Variants in MYRF observed in about 807,000 individuals in gnomAD.
MYRF encodes the protein myelin regulatory factor.
In MYRF, 16 loss-of-function variants were observed where a neutral mutation model predicts 126.3. The ratio of observed to expected loss-of-function variants is 0.13; its 90% CI spans 0.09 to 0.19. The LOEUF is 0.19. Among genes scored for constraint, MYRF ranks in the 10% least tolerant of loss-of-function variants. The probability of loss-of-function intolerance (pLI) is 1.00; values close to 1 mark genes in which losing one functional copy is unlikely to be tolerated. For missense variants in MYRF, 1,104 were observed against 1,547.0 expected, an observed-to-expected ratio of 0.71 and a Z score of 4.80; for synonymous variants, 608 against 635.3, an observed-to-expected ratio of 0.96 and a Z score of 0.65.
chr11:61,776,925 G>A lies in MYRF; in HGVS notation c.1590+48G>A. 1 of 1,459,536 alleles carries A rather than the reference G, an allele frequency of 6.9e-7. No individual in the cohort carries two copies. Among genetic ancestry groups the A allele is most frequent in the Non-Finnish European group, 9.3e-7 (1 of 1,078,192 alleles). 90.4% of individuals were successfully genotyped at this position (1,459,536 alleles called of 1,614,324 possible). A position where few individuals can be genotyped will look rare whatever the true frequency, so the allele number is the denominator to read the frequency against. ...GCGTAGACAGCCCTCCCCAGGACTGGGAGAAACAGCAAGCAGAAGTACCCG... is the reference window on the plus strand; with the variant it reads ...GCGTAGACAGCCCTCCCCAGGACTGAGAGAAACAGCAAGCAGAAGTACCCG... On this transcript the variant is annotated intron_variant, in intron 11 of 26. Transcript: ENST00000278836. The surrounding 1 kb of genome is among the most constrained non-coding windows in gnomAD (Gnocchi z 4.3).
chr11:61,764,217 G>T (rs953791228), intron 1 of MYRF, among the ~76,000 whole-genome samples: 17 of 152,336 alleles, frequency 1.1e-4, no homozygotes, highest in Admixed American at 1.1e-3. Flanking sequence ...CCTAAGCGGG[G>T]CTCAGCATTC....
chr11:61,771,476 CG>C, intron 5 of MYRF, 23 bp from the exon 6 acceptor site: 1 of 1,598,800 alleles, frequency 6.3e-7, no homozygotes, highest in Non-Finnish European at 8.5e-7. Context: ...CCAGCCCCCA[CG>C]GCGCACACTT....
chr11:61,774,766 T>G (rs1368987273), intron 8 of MYRF, among the ~76,000 whole-genome samples: 3 of 150,202 alleles, frequency 2.0e-5, no homozygotes, highest in Admixed American at 6.6e-5. Flanking sequence ...CCTGCTTCCC[T>G]CTCGTTGGGC....
chr11:61,756,397 G>A lies in MYRF; in HGVS notation c.46+3607G>A, dbSNP rs73487406. Among the ~76,000 whole-genome samples the A allele has an allele frequency of 3.3e-3, 496 of 152,206 alleles. 4 individuals are homozygous for A. Among genetic ancestry groups the A allele is most frequent in the African/African-American group, 0.011 (462 of 41,518 alleles). On this transcript the variant is annotated intron_variant, in intron 1 of 26. Transcript: ENST00000278836. ...AGACTACCTGATGATTTGGAAGAGA[G>A]GACTCCCACCTGGACAGGAATCCGG...
Position 61,770,533 on chromosome 11 carries a change from G to C in MYRF, c.740+8G>C. ...GCAGCAGCACGGAGCTGAGTAAGACGTGGGTGGCTGGCTCCATGGGGTGGG... is the reference window on the plus strand; with the variant it reads ...GCAGCAGCACGGAGCTGAGTAAGACCTGGGTGGCTGGCTCCATGGGGTGGG... On this transcript the variant is annotated splice_region_variant and intron_variant, in intron 5 of 26. Transcript: ENST00000278836. 1.3e-6 allele frequency: 2 copies of C among 1,548,528 alleles called. No individual in the cohort carries two copies. Among genetic ancestry groups the C allele is most frequent in the South Asian group, 2.4e-5 (2 of 82,750 alleles).
At position 61,781,664 on chromosome 11, in the gene MYRF, C is replaced by A; in HGVS notation, c.2856C>A (p.His952Gln). The change falls in exon 22 of 27, where the codon CAC becomes CAA. Residue 952 changes from histidine to glutamine, a missense_variant. His to Gln is a conservative substitution (Grantham distance 24, BLOSUM62 0). Coordinates refer to ENST00000278836, the MANE Select transcript of MYRF (RefSeq NM_001127392.3). ...ATGGCATTGGCCACTCCAAGCATCA[C>A]AAGAGTCTGGAGCCTCTGGCCAGCC... Reference protein sequence around the residue: ...SVNGIGHSKHHKSLEPLASPA... With the variant: ...SVNGIGHSKHQKSLEPLASPA... 1 of 1,613,788 alleles carries A rather than the reference C, an allele frequency of 6.2e-7. No individual in the cohort carries two copies. Among genetic ancestry groups the A allele is most frequent in the Admixed American group, 1.7e-5 (1 of 60,030 alleles).
At chr11:61,773,483 G>A (rs557246179) in intron 7 of MYRF, among the ~76,000 whole-genome samples, 9 of 152,334 alleles carry the variant, frequency 5.9e-5, no homozygotes, top group East Asian at 3.9e-4. Flanking sequence ...TGAGCAAGCC[G>A]GTGGGCAGGG....
At position 61,787,843 on chromosome 11, in the gene MYRF, T is replaced by C. The variant is rs577361636; in HGVS notation, c.*1700T>C. 6.5e-6 allele frequency: 1 copy of C among 152,738 alleles called. No individual in the cohort carries two copies. The highest frequency in any genetic ancestry group is 1.5e-5 in the Non-Finnish European group (1 of 68,046). 9.5% of individuals were successfully genotyped at this position (152,738 alleles called of 1,614,324 possible). The stretch of plus-strand genomic sequence containing the variant: ...TAATAGGATTCCTGGGCTTCCTCAA[T>C]GGGGGTTCATGTTCTTGGACTGCGG... On this transcript the variant is annotated 3_prime_UTR_variant, in exon 27 of 27. Coordinates refer to ENST00000278836, the MANE Select transcript of MYRF (RefSeq NM_001127392.3).
rs1226101302 is a variant in MYRF, at chr11:61,766,157, A to G, written c.334A>G (p.Lys112Glu). Residue 112 changes from lysine (K) to glutamate (E), a missense_variant, in exon 3 of 27, where the codon AAG (lysine) becomes GAG (glutamate). By Grantham distance (56) the Lys-to-Glu change is moderately conservative. Around this residue, in one of 10 missense-constraint regions of MYRF, gnomAD observed 368 missense variants for 403.9 expected, o/e 0.91. Coordinates refer to ENST00000278836, the MANE Select transcript of MYRF (RefSeq NM_001127392.3). ...NNNNGMGAAP[K>E]PFPGGTGPPI... ...CAACAACGGCATGGGCGCTGCCCCC[A>G]AGCCCTTCCCGGGGGGCACCGGGCC... The G allele has an allele frequency of 6.2e-7, 1 of 1,611,772 alleles. No individual in the cohort carries two copies. Among genetic ancestry groups the G allele is most frequent in the Non-Finnish European group, 8.5e-7 (1 of 1,179,630 alleles).
In MYRF at chr11:61,781,811, C is replaced by T; in HGVS notation, c.3003C>T (p.Ala1001=). 1 of 1,567,458 alleles carries T rather than the reference C, an allele frequency of 6.4e-7. No homozygotes were observed. The highest frequency in any genetic ancestry group is 8.6e-7 in the Non-Finnish European group (1 of 1,160,944). The change falls in exon 22 of 27, where the codon GCC becomes GCT. Residue 1001 remains alanine (A), a synonymous_variant. Transcript: ENST00000278836. ...SSVGPAEPTW[A]QGQSASLLAE... The stretch of plus-strand genomic sequence containing the variant: ...TGGGCCCTGCTGAGCCCACCTGGGC[C>T]CAGGGCCAGTCAGGTACTTGCTGCA...
intron 3 of MYRF, among the ~76,000 whole-genome samples, chr11:61,767,813 CAAAA>C (rs35214869): frequency 1.5e-5 from 1 of 64,914 alleles, no homozygotes; most frequent in Non-Finnish European, 2.8e-5. Context: ...GACCCTGTCT[CAAAA>C]AAAAAAAAAA....
intron 19 of MYRF, 83 bp from the exon 20 acceptor site, chr11:61,780,877 C>T: frequency 6.3e-7 from 1 of 1,585,408 alleles, no homozygotes; most frequent in African/African-American, 1.3e-5. Flanking sequence ...CTCTTCCTGC[C>T]CTCCTGCCTC....
At chr11:61,773,090 C>T (rs188946689) in intron 7 of MYRF, among the ~76,000 whole-genome samples, 5 of 151,982 alleles carry the variant, frequency 3.3e-5, no homozygotes, top group Non-Finnish European at 5.9e-5. Flanking sequence ...ACTGCAACCT[C>T]CGCCTCCTGG....
In MYRF at chr11:61,778,303, T is replaced by C. The variant is rs2066441424; in HGVS notation, c.1904-77T>C. On this transcript the variant is annotated intron_variant, in intron 13 of 26. Coordinates refer to ENST00000278836, the MANE Select transcript of MYRF (RefSeq NM_001127392.3). This position sits in a 1 kb window ranked among gnomAD's most constrained non-coding sequence, Gnocchi z 4.6. ...AGAACTTCACCCTCTCCAGTCTTGC[T>C]CCCACTGTACATTACAAAGCTGTGA... 1.0e-6 allele frequency: 1 copy of C among 975,786 alleles called. No homozygotes were observed. The highest frequency in any genetic ancestry group is 2.4e-5 in the East Asian group (1 of 41,698). The allele number at this position is 975,786 out of a possible 1,614,324, so 60.4% of individuals were successfully genotyped here. A position where few individuals can be genotyped will look rare whatever the true frequency, so the allele number is the denominator to read the frequency against.
chr11:61,777,481 G>C lies in MYRF; in HGVS notation c.1791+17G>C. 2 of 1,586,926 alleles carry C rather than the reference G, an allele frequency of 1.3e-6. No homozygotes were observed. The highest frequency in any genetic ancestry group is 1.7e-6 in the Non-Finnish European group (2 of 1,166,694). ...GTGCAGGAGGTGGGGACAGGGCTGTGGGGGCCGGGCGGGTCCAGACGCTGG... is the reference window on the plus strand; with the variant it reads ...GTGCAGGAGGTGGGGACAGGGCTGTCGGGGCCGGGCGGGTCCAGACGCTGG... On this transcript the variant is annotated intron_variant, in intron 12 of 26. Transcript: ENST00000278836. This position sits in a 1 kb window ranked among gnomAD's most constrained non-coding sequence, Gnocchi z 8.8.
At chr11:61,768,192 G>C (rs1030836354) in intron 3 of MYRF, among the ~76,000 whole-genome samples, 3 of 152,176 alleles carry the variant, frequency 2.0e-5, no homozygotes, top group African/African-American at 7.2e-5. Context: ...GCCTAACTGG[G>C]GAGAGGTATT....
At chr11:61,755,410 A>T in intron 1 of MYRF, 1 of 1,608,748 alleles carries the variant, frequency 6.2e-7, no homozygotes, top group South Asian at 1.1e-5. Context: ...CAGAGAGGGG[A>T]CCCACCGGGC....
intron 3 of MYRF, among the ~76,000 whole-genome samples, 160 bp from the exon 4 acceptor site, chr11:61,769,100 G>A (rs1019621217): frequency 2.4e-4 from 37 of 152,204 alleles, no homozygotes; most frequent in Non-Finnish European, 8.8e-5. Context: ...GCACCCCAAT[G>A]TGGGTGGTGC....
Position 61,781,144 on chromosome 11 carries a change from C to T in MYRF, c.2579C>T (p.Thr860Ile). The change falls in exon 21 of 27, where the codon ACC (threonine) becomes ATC (isoleucine). Residue 860 changes from threonine (T) to isoleucine (I), a missense_variant. Around this residue, in one of 10 missense-constraint regions of MYRF, gnomAD observed 323 missense variants for 383.1 expected, o/e 0.84. Coordinates refer to ENST00000278836, the MANE Select transcript of MYRF (RefSeq NM_001127392.3). ...GIQPSLLLVTTSLTSSAPGSA... is the reference protein window; with the variant it reads ...GIQPSLLLVTISLTSSAPGSA... ...CAGCCTCTGGCCTCCTCAGTGACCACCAGCCTCACCAGCTCGGCCCCAGGT... is the reference window on the plus strand; with the variant it reads ...CAGCCTCTGGCCTCCTCAGTGACCATCAGCCTCACCAGCTCGGCCCCAGGT... 6.2e-7 allele frequency: 1 copy of T among 1,613,468 alleles called. No homozygotes were observed. Among genetic ancestry groups the T allele is most frequent in the Admixed American group, 1.7e-5 (1 of 60,026 alleles).
Sources: gnomAD v4.1 joint callset for allele counts (sites outside exome capture counted in the v4.1 genomes callset) on GRCh38, gnomAD v4.1.1 for gene constraint, gnomAD v4.1.1 regional missense constraint, Gnocchi (gnomAD v3.1) non-coding constraint, MANE v1.5 for transcripts, NCBI Gene and HGNC (gene_info 2026-07-23, HGNC 2026-07-21) for gene names.